The following DGKB variants were observed in gnomAD, a reference collection of about 807,000 sequenced individuals.
DGKB encodes diacylglycerol kinase beta.
Under a neutral mutation model 114.3 loss-of-function variants are expected in DGKB, and 67 were observed. The observed-to-expected ratio is 0.59, with a 90% CI of 0.48 to 0.72. DGKB has a LOEUF of 0.72. Among genes scored for constraint, DGKB ranks in the 30% least tolerant of loss-of-function variants. The pLI, the probability that DGKB is intolerant of heterozygous loss-of-function variation, is 0.00. For missense variants in DGKB, 907 were observed against 975.2 expected, an observed-to-expected ratio of 0.93 and a Z score of 0.93; for synonymous variants, 398 against 323.1, an observed-to-expected ratio of 1.23 and a Z score of -2.49.
rs1241428030 is a variant in DGKB, at chr7:14,940,576, C to T, written c.-188+34120G>A. On this transcript the variant is annotated intron_variant, in intron 1 of 4. Transcript: ENST00000437998. ...AGGTCACACAAAAACAACTGGTGAT[C>T]CAGTTTTGGCCCACAGGCCATATGC... is the stretch of plus-strand genomic sequence containing the variant. 2.0e-5 allele frequency among the ~76,000 whole-genome samples: 3 copies of T among 152,180 alleles called. No homozygotes were observed. In the East Asian group the frequency reaches 5.8e-4, roughly 29 times the overall value.
At chr7:14,877,542 C>T (rs998131999) in intron 1 of DGKB, among the ~76,000 whole-genome samples, 3 of 151,950 alleles carry the variant, frequency 2.0e-5, no homozygotes, top group Non-Finnish European at 2.9e-5. Flanking sequence ...GGAAAAATAG[C>T]GAAACTTTGT....
rs571565946 is a variant in DGKB, at chr7:14,393,042, G to C, written c.1836-47651C>G. Among the ~76,000 whole-genome samples, 244 of 103,816 alleles carry C rather than the reference G, an allele frequency of 2.4e-3. 1 individual carries two copies. The highest frequency in any genetic ancestry group is 3.7e-3 in the South Asian group (11 of 2,948). 68.1% of individuals were successfully genotyped at this position (103,816 alleles called of 152,430 possible). A position where few individuals can be genotyped will look rare whatever the true frequency, so the allele number is the denominator to read the frequency against. On this transcript the variant is annotated intron_variant, in intron 21 of 25. Coordinates refer to ENST00000402815, the MANE Select transcript of DGKB (RefSeq NM_001350709.2). ...GTCTCGCTATCGCCCAGGCTGGAGT[G>C]CAGTGGCACGATCTCGGCTCACTGC... is the stretch of plus-strand genomic sequence containing the variant.
chr7:14,219,619 C>A (rs756202872), intron 23 of DGKB, among the ~76,000 whole-genome samples: 81 of 151,656 alleles, frequency 5.3e-4, no homozygotes, highest in Non-Finnish European at 3.1e-4. Flanking sequence ...ATCTGCCATG[C>A]TGTAATTGGG....
At chr7:14,561,499 G>A (rs1796653020) in intron 20 of DGKB, among the ~76,000 whole-genome samples, 1 of 152,040 alleles carries the variant, frequency 6.6e-6, no homozygotes. Flanking sequence ...CAGTTTGGAG[G>A]GCTCAGAAAA....
At chr7:14,662,997 A>T (rs911526964) in intron 13 of DGKB, among the ~76,000 whole-genome samples, 2 of 151,992 alleles carry the variant, frequency 1.3e-5, no homozygotes, top group African/African-American at 4.8e-5. Flanking sequence ...ACCATCAGCT[A>T]TGCATAGTTA....
At chr7:14,928,741 G>T (rs1472346328) in intron 1 of DGKB, among the ~76,000 whole-genome samples, 6 of 149,698 alleles carry the variant, frequency 4.0e-5, no homozygotes, top group African/African-American at 1.2e-4. Flanking sequence ...ATTGCATGGG[G>T]GTGAAGTTAG....
chr7:14,619,536 T>A (rs755391408), intron 15 of DGKB, among the ~76,000 whole-genome samples: 1 of 151,690 alleles, frequency 6.6e-6, no homozygotes, highest in African/African-American at 2.4e-5. Flanking sequence ...GTTAAAATTC[T>A]GTTGCATACA....
At chr7:14,206,665 C>G (rs1206562789) in intron 23 of DGKB, among the ~76,000 whole-genome samples, 1 of 151,930 alleles carries the variant, frequency 6.6e-6, no homozygotes, top group East Asian at 1.9e-4. Context: ...ATCACATGAA[C>G]CTGCTGAAAT....
At chr7:14,363,818 C>T (rs1268951181) in intron 21 of DGKB, among the ~76,000 whole-genome samples, 1 of 151,596 alleles carries the variant, frequency 6.6e-6, no homozygotes, top group Non-Finnish European at 1.5e-5. Context: ...AATTTCATTA[C>T]TAAGGCTTCT....
At chr7:14,971,011 T>A (rs1787434922) in intron 1 of DGKB, among the ~76,000 whole-genome samples, 1 of 152,166 alleles carries the variant, frequency 6.6e-6, no homozygotes, top group Non-Finnish European at 1.5e-5. Flanking sequence ...GAAATATAAT[T>A]AGCATTTACT....
intron 21 of DGKB, among the ~76,000 whole-genome samples, chr7:14,377,591 A>G (rs573719734): frequency 6.6e-6 from 1 of 152,366 alleles, no homozygotes; most frequent in South Asian, 2.1e-4. Flanking sequence ...TAATAAAAAC[A>G]TATACTGTGT....
chr7:14,212,707 T>A (rs956387339), intron 23 of DGKB, among the ~76,000 whole-genome samples: 2 of 152,076 alleles, frequency 1.3e-5, no homozygotes, highest in Non-Finnish European at 2.9e-5. Context: ...TCATTCAACA[T>A]CTGAATCTAA....
chr7:14,291,315 T>C (rs1389679008), intron 23 of DGKB, among the ~76,000 whole-genome samples: 1 of 152,106 alleles, frequency 6.6e-6, no homozygotes, highest in Non-Finnish European at 1.5e-5. Context: ...CAGATGCTAT[T>C]CAAAGTTAAG....
At chr7:14,909,337 G>A (rs532329799) in intron 1 of DGKB, among the ~76,000 whole-genome samples, 19 of 152,078 alleles carry the variant, frequency 1.2e-4, no homozygotes, top group African/African-American at 4.1e-4. Context: ...GCTGAAAGAG[G>A]GGTTGTTTTG....
intron 17 of DGKB, among the ~76,000 whole-genome samples, chr7:14,584,020 T>C (rs974914813): frequency 2.0e-5 from 3 of 152,212 alleles, no homozygotes; most frequent in Non-Finnish European, 4.4e-5. Context: ...CAAATTTTCG[T>C]ACATAAATCT....
chr7:14,923,814 A>G (rs935218909), intron 1 of DGKB, among the ~76,000 whole-genome samples: 2 of 151,756 alleles, frequency 1.3e-5, no homozygotes, highest in Non-Finnish European at 2.9e-5. Flanking sequence ...GGCCAACATG[A>G]GGAAACCCTG....
At chr7:14,461,266 G>A (rs764759696) in intron 21 of DGKB, among the ~76,000 whole-genome samples, 7 of 150,492 alleles carry the variant, frequency 4.7e-5, no homozygotes, top group Non-Finnish European at 1.0e-4. Flanking sequence ...AGAACTGAAG[G>A]AGATAGAGAC....
chr7:14,404,106 C>G (rs1427914956), intron 21 of DGKB, among the ~76,000 whole-genome samples: 1 of 151,128 alleles, frequency 6.6e-6, no homozygotes, highest in East Asian at 1.9e-4. Flanking sequence ...GTGTAAGGTG[C>G]AAAATTAAGC....
At chr7:14,575,273 T>C (rs965583302) in intron 19 of DGKB, among the ~76,000 whole-genome samples, 2 of 152,190 alleles carry the variant, frequency 1.3e-5, no homozygotes, top group Admixed American at 6.5e-5. Flanking sequence ...GTACACCACA[T>C]TGTCATTACT....
Sources: gnomAD v4.1 joint callset for allele counts (sites outside exome capture counted in the v4.1 genomes callset) on GRCh38, gnomAD v4.1.1 for gene constraint, MANE v1.5 for transcripts, NCBI Gene and HGNC (gene_info 2026-07-23, HGNC 2026-07-21) for gene names.